The following PLAG1 variants were observed in gnomAD, a reference collection of about 807,000 sequenced individuals.
PLAG1 encodes the protein zinc finger protein PLAG1.
A neutral mutation model predicts 35.5 loss-of-function variants in PLAG1; 7 were observed. That is an observed-to-expected ratio of 0.20 (90% CI 0.11 to 0.37). The LOEUF (loss-of-function observed/expected upper bound fraction) is 0.37. Among genes scored for constraint, PLAG1 ranks in the 10% least tolerant of loss-of-function variants. The probability of loss-of-function intolerance (pLI) is 1.00; values close to 1 mark genes in which losing one functional copy is unlikely to be tolerated. For synonymous variants in PLAG1, 229 were observed against 225.4 expected, an observed-to-expected ratio of 1.02 and a Z score of -0.14; for missense variants, 454 against 602.8, an observed-to-expected ratio of 0.75 and a Z score of 2.58.
chr8:56,208,244 C>G (rs1313138838), intron 1 of PLAG1, among the ~76,000 whole-genome samples: 2 of 152,078 alleles, frequency 1.3e-5, no homozygotes, highest in Non-Finnish European at 2.9e-5. Flanking sequence ...AATGAAAAGG[C>G]TTTGTAAGTC....
rs1013950110 is a variant in PLAG1 at position 56,201,832 on chromosome 8, A to C, written c.-322+9289T>G. 3.3e-5 allele frequency among the ~76,000 whole-genome samples: 5 copies of C among 152,208 alleles called. 1 individual carries two copies. The highest frequency in any genetic ancestry group is 5.9e-5 in the Non-Finnish European group (4 of 68,014). ...GGTAGCCAAAGTATTTTATGGCTGA[A>C]GCATAGCATTAATACTCAAAATATT... On this transcript the variant is annotated intron_variant, in intron 1 of 4. Coordinates refer to ENST00000316981, the MANE Select transcript of PLAG1 (RefSeq NM_002655.3).
chr8:56,191,248 C>CT (rs1812174023), intron 1 of PLAG1, among the ~76,000 whole-genome samples: 3 of 152,184 alleles, frequency 2.0e-5, no homozygotes, highest in Non-Finnish European at 4.4e-5. Context: ...AGAAGCAGAA[C>CT]ATTCTAGAGC....
At chr8:56,200,703 C>T (rs574510650) in intron 1 of PLAG1, among the ~76,000 whole-genome samples, 1 of 152,314 alleles carries the variant, frequency 6.6e-6, no homozygotes, top group Admixed American at 6.5e-5. Flanking sequence ...GTCTCCTAAC[C>T]TCTGCCAAAA....
intron 1 of PLAG1, among the ~76,000 whole-genome samples, chr8:56,182,667 A>T (rs747387573): frequency 6.6e-6 from 1 of 152,204 alleles, no homozygotes; most frequent in South Asian, 2.1e-4. Flanking sequence ...TTGGGTGATA[A>T]GCAAATGATA....
At position 56,161,694 on chromosome 8, in the gene PLAG1, A is replaced by G. The variant is rs1365645767; in HGVS notation, c.*4549T>C. ...AAGTCACAGTATAAAAATATATTGT[A>G]CACTTTTACACCTAATGTAGTCCTT... On this transcript the variant is annotated 3_prime_UTR_variant, in exon 5 of 5. Coordinates refer to ENST00000316981, the MANE Select transcript of PLAG1 (RefSeq NM_002655.3). 3.1e-5 allele frequency: 7 copies of G among 227,828 alleles called. No homozygotes were observed. Among genetic ancestry groups the G allele is most frequent in the Non-Finnish European group, 5.2e-5 (6 of 114,390 alleles). The allele number at this position is 227,828 out of a possible 1,614,324, so 14.1% of individuals were successfully genotyped here.
chr8:56,190,240 C>T (rs182095303), intron 1 of PLAG1, among the ~76,000 whole-genome samples: 1 of 152,102 alleles, frequency 6.6e-6, no homozygotes, highest in East Asian at 1.9e-4. Context: ...AGATGGCATA[C>T]AGCAGAGACC....
At chr8:56,195,900 C>A (rs1483694715) in intron 1 of PLAG1, among the ~76,000 whole-genome samples, 3 of 152,172 alleles carry the variant, frequency 2.0e-5, no homozygotes, top group Admixed American at 6.5e-5. Flanking sequence ...TCTCACAAAA[C>A]CTCCCAAGTG....
chr8:56,208,922 C>T (rs1812773977), intron 1 of PLAG1, among the ~76,000 whole-genome samples: 1 of 152,196 alleles, frequency 6.6e-6, no homozygotes, highest in African/African-American at 2.4e-5. Flanking sequence ...AAAGTTACAA[C>T]CCATGCATAG....
intron 1 of PLAG1, among the ~76,000 whole-genome samples, chr8:56,194,712 T>C (rs1812306268): frequency 1.3e-5 from 2 of 151,966 alleles, no homozygotes; most frequent in Non-Finnish European, 2.9e-5. Flanking sequence ...TTTGCCAAAG[T>C]TGCTTCGGGG....
chr8:56,192,386 C>A (rs1265011215), intron 1 of PLAG1, among the ~76,000 whole-genome samples: 2 of 152,168 alleles, frequency 1.3e-5, no homozygotes, highest in Admixed American at 6.5e-5. Context: ...TACTCGCCAA[C>A]AACTAGGGAA....
At chr8:56,205,838 G>A (rs1812682908) in intron 1 of PLAG1, among the ~76,000 whole-genome samples, 1 of 151,770 alleles carries the variant, frequency 6.6e-6, no homozygotes, top group African/African-American at 2.4e-5. Flanking sequence ...TATTAACCTA[G>A]GACATACTGC....
chr8:56,188,483 T>A (rs765942477), intron 1 of PLAG1, among the ~76,000 whole-genome samples: 4 of 152,258 alleles, frequency 2.6e-5, no homozygotes, highest in Non-Finnish European at 4.4e-5. Context: ...AAACACTACA[T>A]GCAACTTTAA....
rs149010925 is a variant in PLAG1, at chr8:56,163,673, G to GTA, written c.*2568_*2569dup. 2.6e-3 allele frequency: 478 copies of GTA among 186,566 alleles called. 1 individual carries two copies. The highest frequency in any genetic ancestry group is 3.8e-3 in the Non-Finnish European group (340 of 89,016). 11.6% of individuals were successfully genotyped at this position (186,566 alleles called of 1,614,324 possible). ...AAGATTTAAGTATGTGTGTGTGTGT[G>GTA]TATATATACACACACACACACACAC... On this transcript the variant is annotated 3_prime_UTR_variant, in exon 5 of 5. Coordinates refer to ENST00000316981, the MANE Select transcript of PLAG1 (RefSeq NM_002655.3).
At chr8:56,205,594 A>G (rs1010494343) in intron 1 of PLAG1, among the ~76,000 whole-genome samples, 2 of 151,996 alleles carry the variant, frequency 1.3e-5, no homozygotes, top group East Asian at 3.9e-4. Context: ...AATTTACCAC[A>G]ATTGTTATTT....
At chr8:56,193,766 C>T (rs975112269) in intron 1 of PLAG1, among the ~76,000 whole-genome samples, 9 of 150,906 alleles carry the variant, frequency 6.0e-5, no homozygotes, top group South Asian at 2.1e-4. Context: ...GGCACGATCC[C>T]GGCTCACTGC....
At chr8:56,196,938 C>T (rs1293354689) in intron 1 of PLAG1, among the ~76,000 whole-genome samples, 1 of 137,608 alleles carries the variant, frequency 7.3e-6, no homozygotes, top group Non-Finnish European at 1.6e-5. Flanking sequence ...GCACCCTCTC[C>T]CTCCCTAGTG....
intron 1 of PLAG1, among the ~76,000 whole-genome samples, chr8:56,207,720 A>G (rs978482541): frequency 1.3e-5 from 2 of 152,108 alleles, no homozygotes; most frequent in Admixed American, 1.3e-4. Context: ...TTATTTCTGT[A>G]TACTGGTATA....
In PLAG1 at chr8:56,167,226, C is replaced by T; in HGVS notation, c.520G>A (p.Gly174Ser). Reference sequence around the variant, plus strand: ...TCTTTAACCCCACCAGACGACTTGCCTGCATGAGATTTAAGGTGCTCCAGA... The same window carrying T: ...TCTTTAACCCCACCAGACGACTTGCTTGCATGAGATTTAAGGTGCTCCAGA... Reference protein sequence around the residue: ...VLLEHLKSHAGKSSGGVKEKK... With the variant: ...VLLEHLKSHASKSSGGVKEKK... The change falls in exon 5 of 5, where the codon GGC becomes AGC. Residue 174 changes from glycine (G) to serine (S), a missense_variant. This residue lies in a region of PLAG1 where 170 missense variants were observed against 226.3 expected (regional missense o/e 0.75). Transcript: ENST00000316981. This position sits in a 1 kb window ranked among gnomAD's most constrained non-coding sequence, Gnocchi z 5.9. The T allele has an allele frequency of 6.2e-7, 1 of 1,614,090 alleles. No individual in the cohort carries two copies. Among genetic ancestry groups the T allele is most frequent in the Middle Eastern group, 1.7e-4 (1 of 6,060 alleles).
Position 56,162,905 on chromosome 8 carries a change from G to C in PLAG1, c.*3338C>G, listed in dbSNP as rs1346622555. The C allele has an allele frequency of 4.6e-6, 1 of 217,060 alleles. No homozygotes were observed. 13.4% of individuals were successfully genotyped at this position (217,060 alleles called of 1,614,324 possible). On this transcript the variant is annotated 3_prime_UTR_variant, in exon 5 of 5. Coordinates refer to ENST00000316981, the MANE Select transcript of PLAG1 (RefSeq NM_002655.3). ...ATAGGCAAAAATACACAGCTTGAAA[G>C]AAACACTAAATGAAATAAAAAAGTT... is the stretch of plus-strand genomic sequence containing the variant.
Sources: allele counts gnomAD v4.1 joint callset (sites outside exome capture counted in the v4.1 genomes callset), GRCh38; gene constraint gnomAD v4.1.1; regional missense constraint gnomAD v4.1.1; non-coding constraint Gnocchi (gnomAD v3.1); transcripts MANE v1.5; gene names NCBI Gene and HGNC (gene_info 2026-07-23, HGNC 2026-07-21).